The following OR2B6 variants were observed in gnomAD, a reference collection of about 807,000 sequenced individuals.
OR2B6 encodes the protein olfactory receptor family 2 subfamily B member 6.
For missense variants in OR2B6, 350 were observed against 368.9 expected, an observed-to-expected ratio of 0.95 and a Z score of 0.42; for synonymous variants, 130 against 142.7, an observed-to-expected ratio of 0.91 and a Z score of 0.63.
rs536781960 is a variant in OR2B6, at chr6:27,957,476, C to T, written c.236C>T (p.Pro79Leu). 1.2e-5 allele frequency: 20 copies of T among 1,614,042 alleles called. No homozygotes were observed. In the South Asian group the frequency reaches 2.2e-4, roughly 18 times the overall value. ...CTTTGTTACACCACATGTACAGTCC[C>T]ACAAATGCTAGTAAATTTATGCAGC... ...LDLCYTTCTV[P>L]QMLVNLCSIR... is the part of the protein sequence containing the mutation. The change falls in exon 1 of 1, where the codon CCA (proline) becomes CTA (leucine). Residue 79 changes from proline to leucine, a missense_variant. By Grantham distance (98) the Pro-to-Leu change is moderately conservative. Coordinates refer to ENST00000244623, the MANE Select transcript of OR2B6 (RefSeq NM_012367.1).
At position 27,957,904 on chromosome 6, in the gene OR2B6, G is replaced by A; in HGVS notation, c.664G>A (p.Val222Ile). 6.2e-7 allele frequency: 1 copy of A among 1,614,018 alleles called. No individual in the cohort carries two copies. The highest frequency in any genetic ancestry group is 8.5e-7 in the Non-Finnish European group (1 of 1,179,986). The change falls in exon 1 of 1, where the codon GTC becomes ATC. Residue 222 changes from valine (V) to isoleucine (I), a missense_variant. Val to Ile is a conservative substitution (Grantham distance 29). Transcript: ENST00000244623. ...CATCCTTATATCATATGCTTTTATT[G>A]TCCGAGCAGTATTGAGGATACAGTC... ...TLILISYAFIVRAVLRIQSAE... is the reference protein window; with the variant it reads ...TLILISYAFIIRAVLRIQSAE...
rs377223999 is a variant in OR2B6, at chr6:27,957,630, C to T, written c.390C>T (p.Leu130=). ...FDRFVAICRP[L]HYSVIMHQRL... The stretch of plus-strand genomic sequence containing the variant: ...GGTTTGTAGCTATTTGTCGGCCTCT[C>T]CATTACTCAGTTATCATGCACCAGA... Residue 130 remains leucine, a synonymous_variant, in exon 1 of 1, where the codon CTC becomes CTT. Coordinates refer to ENST00000244623, the MANE Select transcript of OR2B6 (RefSeq NM_012367.1). 117 of 1,613,968 alleles carry T rather than the reference C, an allele frequency of 7.2e-5. No homozygotes were observed. Among genetic ancestry groups the T allele is most frequent in the Non-Finnish European group, 9.4e-5 (111 of 1,179,994 alleles).
chr6:27,957,924 A>G lies in OR2B6; in HGVS notation c.684A>G (p.Ile228Met), dbSNP rs1561770130. 2 of 1,614,102 alleles carry G rather than the reference A, an allele frequency of 1.2e-6. 1 individual carries two copies. Among genetic ancestry groups the G allele is most frequent in the South Asian group, 2.2e-5 (2 of 91,078 alleles). ...TTATTGTCCGAGCAGTATTGAGGAT[A>G]CAGTCTGCTGAAGGTCGACAAAAAG... ...YAFIVRAVLR[I>M]QSAEGRQKAF... Residue 228 changes from isoleucine (I) to methionine (M), a missense_variant, in exon 1 of 1, where the codon ATA becomes ATG. Ile to Met is a conservative substitution (Grantham distance 10). Transcript: ENST00000244623.
rs778903038 is a variant in OR2B6 at position 27,957,541 on chromosome 6, C to T, written c.301C>T (p.Leu101Phe). The change falls in exon 1 of 1, where the codon CTT (leucine) becomes TTT (phenylalanine). Residue 101 changes from leucine (L) to phenylalanine (F), a missense_variant. Physicochemically the swap from Leu to Phe is conservative, Grantham distance 22 (BLOSUM62 0). Coordinates refer to ENST00000244623, the MANE Select transcript of OR2B6 (RefSeq NM_012367.1). ...VISYRGCVAQLFIFLALGATE... is the reference protein window; with the variant it reads ...VISYRGCVAQFFIFLALGATE... ...CAGTTATCGTGGCTGTGTAGCCCAG[C>T]TTTTCATATTTCTGGCCTTGGGGGC... 6.2e-7 allele frequency: 1 copy of T among 1,614,086 alleles called. No homozygotes were observed. Among genetic ancestry groups the T allele is most frequent in the Non-Finnish European group, 8.5e-7 (1 of 1,180,008 alleles).
In OR2B6 at chr6:27,958,148, G is replaced by A; in HGVS notation, c.908G>A (p.Arg303Lys). The change falls in exon 1 of 1, where the codon AGG (arginine) becomes AAG (lysine). Residue 303 changes from arginine to lysine, a missense_variant. By Grantham distance (26) the Arg-to-Lys change is conservative. Transcript: ENST00000244623. The stretch of plus-strand genomic sequence containing the variant: ...AAGGAGGTAAAGGAAGGCTTTAAAA[G>A]GTTGGTTGCAAGAGTCTTCTTAATC... ...RNKEVKEGFK[R>K]LVARVFLIKK The A allele has an allele frequency of 1.2e-6, 2 of 1,613,184 alleles. No individual in the cohort carries two copies. Among genetic ancestry groups the A allele is most frequent in the Non-Finnish European group, 1.7e-6 (2 of 1,179,546 alleles).
chr6:27,958,037 G>A lies in OR2B6; in HGVS notation c.797G>A (p.Ser266Asn), dbSNP rs1035338625. Residue 266 changes from serine (S) to asparagine (N), a missense_variant, in exon 1 of 1, where the codon AGC becomes AAC. Coordinates refer to ENST00000244623, the MANE Select transcript of OR2B6 (RefSeq NM_012367.1). ...GTGTACCTGCAACCACCTTCGCCCA[G>A]CTCCAAGGACCAAGGAAAGATGGTT... ...VSVYLQPPSPSSKDQGKMVSL... is the reference protein window; with the variant it reads ...VSVYLQPPSPNSKDQGKMVSL... 1 of 1,613,852 alleles carries A rather than the reference G, an allele frequency of 6.2e-7. No homozygotes were observed. Among genetic ancestry groups the A allele is most frequent in the Admixed American group, 1.7e-5 (1 of 59,970 alleles).
chr6:27,957,986 C>T lies in OR2B6; in HGVS notation c.746C>T (p.Ser249Phe). ...GTCGSHLIVV[S>F]LFYSTAVSVY... ...TGTGGTTCCCATCTAATTGTGGTGT[C>T]TCTTTTTTATAGTACAGCCGTCTCT... Residue 249 changes from serine (S) to phenylalanine (F), a missense_variant, in exon 1 of 1, where the codon TCT becomes TTT. Coordinates refer to ENST00000244623, the MANE Select transcript of OR2B6 (RefSeq NM_012367.1). The T allele has an allele frequency of 3.1e-6, 5 of 1,613,890 alleles. No individual in the cohort carries two copies. Among genetic ancestry groups the T allele is most frequent in the Non-Finnish European group, 3.4e-6 (4 of 1,179,930 alleles).
rs772344177 is a variant in OR2B6, at chr6:27,957,442, C to G, written c.202C>G (p.Leu68Val). Residue 68 changes from leucine to valine, a missense_variant, in exon 1 of 1, where the codon CTC becomes GTC. Coordinates refer to ENST00000244623, the MANE Select transcript of OR2B6 (RefSeq NM_012367.1). ...PMYFFLTNLS[L>V]LDLCYTTCTV... ...GTATTTTTTTCTTACCAATCTATCA[C>G]TCCTGGATCTTTGTTACACCACATG... 6.8e-6 allele frequency: 11 copies of G among 1,614,088 alleles called. No individual in the cohort carries two copies. The highest frequency in any genetic ancestry group is 9.3e-6 in the Non-Finnish European group (11 of 1,179,968).
chr6:27,957,792 G>A lies in OR2B6; in HGVS notation c.552G>A (p.Leu184=), dbSNP rs543598546. ...ACTTTCTCTGTGAAGTCCCTGCACT[G>A]CTCAAGTTATCTTGTGTTGAGACAA... ...IDHFLCEVPA[L]LKLSCVETTA... is the part of the protein sequence containing the mutation. The change falls in exon 1 of 1, where the codon CTG becomes CTA. Residue 184 remains leucine, a synonymous_variant. Coordinates refer to ENST00000244623, the MANE Select transcript of OR2B6 (RefSeq NM_012367.1). 1 of 1,614,082 alleles carries A rather than the reference G, an allele frequency of 6.2e-7. No individual in the cohort carries two copies. The highest frequency in any genetic ancestry group is 1.3e-5 in the African/African-American group (1 of 75,024).
rs1286064271 is a variant in OR2B6 at position 27,958,057 on chromosome 6, A to C, written c.817A>C (p.Met273Leu). ...PSPSSKDQGK[M>L]VSLFYGIIAP... ...GCCCAGCTCCAAGGACCAAGGAAAG[A>C]TGGTTTCTCTCTTCTATGGAATCAT... The change falls in exon 1 of 1, where the codon ATG (methionine) becomes CTG (leucine). Residue 273 changes from methionine to leucine, a missense_variant. Physicochemically the swap from Met to Leu is conservative, Grantham distance 15 (BLOSUM62 2). Transcript: ENST00000244623. 2 of 1,613,900 alleles carry C rather than the reference A, an allele frequency of 1.2e-6. No homozygotes were observed. Among genetic ancestry groups the C allele is most frequent in the African/African-American group, 2.7e-5 (2 of 74,886 alleles).
Position 27,957,855 on chromosome 6 carries a change from C to G in OR2B6, c.615C>G (p.Leu205=). Reference sequence around the variant, plus strand: ...CTGAACTATTCCTTGTCAGTGAGCTCTTCCATCTAATACCCCTGACACTCA... The same window carrying G: ...CTGAACTATTCCTTGTCAGTGAGCTGTTCCATCTAATACCCCTGACACTCA... ...NEAELFLVSE[L]FHLIPLTLIL... is the part of the protein sequence containing the mutation. The change falls in exon 1 of 1, where the codon CTC becomes CTG. Residue 205 remains leucine, a synonymous_variant. Transcript: ENST00000244623. 6.2e-7 allele frequency: 1 copy of G among 1,614,074 alleles called. No homozygotes were observed. Among genetic ancestry groups the G allele is most frequent in the Non-Finnish European group, 8.5e-7 (1 of 1,179,972 alleles).
chr6:27,957,741 A>C lies in OR2B6; in HGVS notation c.501A>C (p.Pro167=), dbSNP rs1261626324. The change falls in exon 1 of 1, where the codon CCA becomes CCC. Residue 167 remains proline (P), a synonymous_variant. Transcript: ENST00000244623. ...VWLSTLTLQL[P]LCDPYVIDHF... Reference sequence around the variant, plus strand: ...TGTCTACCCTGACTCTCCAGCTGCCACTCTGTGACCCCTATGTGATAGATC... The same window carrying C: ...TGTCTACCCTGACTCTCCAGCTGCCCCTCTGTGACCCCTATGTGATAGATC... 6.2e-7 allele frequency: 1 copy of C among 1,613,686 alleles called. No individual in the cohort carries two copies. The highest frequency in any genetic ancestry group is 8.5e-7 in the Non-Finnish European group (1 of 1,179,950).
rs143223456 is a variant in OR2B6 at position 27,957,616 on chromosome 6, A to G, written c.376A>G (p.Ile126Val). 2.7e-3 allele frequency: 4,297 copies of G among 1,613,934 alleles called. 167 individuals carry two copies. The South Asian group carries it at 0.042, about 16-fold the overall frequency. ...CATGTCCTTTGATAGGTTTGTAGCT[A>G]TTTGTCGGCCTCTCCATTACTCAGT... ...AVMSFDRFVA[I>V]CRPLHYSVIM... Residue 126 changes from isoleucine (I) to valine (V), a missense_variant, in exon 1 of 1, where the codon ATT becomes GTT. Physicochemically the swap from Ile to Val is conservative, Grantham distance 29. Transcript: ENST00000244623.
Position 27,957,810 on chromosome 6 carries a change from T to C in OR2B6, c.570T>C (p.Val190=), listed in dbSNP as rs1413607862. ...EVPALLKLSC[V]ETTANEAELF... ...CTGCACTGCTCAAGTTATCTTGTGT[T>C]GAGACAACAGCAAATGAGGCTGAAC... is the stretch of plus-strand genomic sequence containing the variant. The change falls in exon 1 of 1, where the codon GTT becomes GTC. Residue 190 remains valine (V), a synonymous_variant. Coordinates refer to ENST00000244623, the MANE Select transcript of OR2B6 (RefSeq NM_012367.1). 6.2e-7 allele frequency: 1 copy of C among 1,613,988 alleles called. No homozygotes were observed. The highest frequency in any genetic ancestry group is 1.3e-5 in the African/African-American group (1 of 74,922).
In OR2B6 at chr6:27,957,382, G is replaced by T. The variant is rs372018501; in HGVS notation, c.142G>T (p.Val48Leu). 1.2e-5 allele frequency: 19 copies of T among 1,613,890 alleles called. No homozygotes were observed. The highest frequency in any genetic ancestry group is 1.5e-5 in the Non-Finnish European group (18 of 1,179,958). Residue 48 changes from valine to leucine, a missense_variant, in exon 1 of 1, where the codon GTG becomes TTG. Transcript: ENST00000244623. ...TIFGNLTIIL[V>L]SRLDTKLHTP... ...CTTTGGCAATCTGACCATTATTCTA[G>T]TGTCACGCCTGGACACCAAACTTCA...
Position 27,957,756 on chromosome 6 carries a change from T to C in OR2B6, c.516T>C (p.Tyr172=), listed in dbSNP as rs1180815551. 11 of 1,614,050 alleles carry C rather than the reference T, an allele frequency of 6.8e-6. No individual in the cohort carries two copies. The highest frequency in any genetic ancestry group is 7.6e-6 in the Non-Finnish European group (9 of 1,180,000). ...LTLQLPLCDP[Y]VIDHFLCEVP... is the part of the protein sequence containing the mutation. ...TCCAGCTGCCACTCTGTGACCCCTA[T>C]GTGATAGATCACTTTCTCTGTGAAG... The change falls in exon 1 of 1, where the codon TAT becomes TAC. Residue 172 remains tyrosine (Y), a synonymous_variant. Transcript: ENST00000244623.
rs370729151 is a variant in OR2B6 at position 27,957,564 on chromosome 6, G to A, written c.324G>A (p.Gly108=). The stretch of plus-strand genomic sequence containing the variant: ...AGCTTTTCATATTTCTGGCCTTGGG[G>A]GCTACTGAATATCTTCTCCTGGCCG... ...VAQLFIFLAL[G]ATEYLLLAVM... The change falls in exon 1 of 1, where the codon GGG becomes GGA. Residue 108 remains glycine, a synonymous_variant. Coordinates refer to ENST00000244623, the MANE Select transcript of OR2B6 (RefSeq NM_012367.1). The A allele has an allele frequency of 5.6e-6, 9 of 1,614,012 alleles. No individual in the cohort carries two copies. The highest frequency in any genetic ancestry group is 1.7e-4 in the Middle Eastern group (1 of 6,060).
chr6:27,957,911 C>T lies in OR2B6; in HGVS notation c.671C>T (p.Ala224Val), dbSNP rs1762766898. The change falls in exon 1 of 1, where the codon GCA becomes GTA. Residue 224 changes from alanine (A) to valine (V), a missense_variant. Physicochemically the swap from Ala to Val is moderately conservative, Grantham distance 64. Coordinates refer to ENST00000244623, the MANE Select transcript of OR2B6 (RefSeq NM_012367.1). Reference sequence around the variant, plus strand: ...ATATCATATGCTTTTATTGTCCGAGCAGTATTGAGGATACAGTCTGCTGAA... The same window carrying T: ...ATATCATATGCTTTTATTGTCCGAGTAGTATTGAGGATACAGTCTGCTGAA... ...ILISYAFIVR[A>V]VLRIQSAEGR... is the part of the protein sequence containing the mutation. 5.0e-6 allele frequency: 8 copies of T among 1,613,948 alleles called. No individual in the cohort carries two copies. The highest frequency in any genetic ancestry group is 6.8e-6 in the Non-Finnish European group (8 of 1,179,990).
Position 27,957,357 on chromosome 6 carries a change from C to T in OR2B6, c.117C>T (p.Ile39=). 6.2e-7 allele frequency: 1 copy of T among 1,613,986 alleles called. No homozygotes were observed. The highest frequency in any genetic ancestry group is 8.5e-7 in the Non-Finnish European group (1 of 1,179,860). Residue 39 remains isoleucine (I), a synonymous_variant, in exon 1 of 1, where the codon ATC becomes ATT. Transcript: ENST00000244623. ...TCTTGATTTCTTACACTGTGACCAT[C>T]TTTGGCAATCTGACCATTATTCTAG... The part of the protein sequence containing the change: ...VVFLISYTVT[I]FGNLTIILVS...
Sources: gnomAD v4.1 joint callset for allele counts on GRCh38, gnomAD v4.1.1 for gene constraint, MANE v1.5 for transcripts, NCBI Gene and HGNC (gene_info 2026-07-23, HGNC 2026-07-21) for gene names.